The following ASCC3 variants were observed in gnomAD, a reference collection of about 807,000 sequenced individuals.
The protein encoded by ASCC3 is ASC-1 complex subunit P200.
Under a neutral mutation model 256.3 loss-of-function variants are expected in ASCC3, and 158 were observed. The ratio of observed to expected loss-of-function variants is 0.62; its 90% CI spans 0.54 to 0.70. ASCC3 has a LOEUF of 0.70. Ranked by LOEUF, ASCC3 falls within the 30% of genes least tolerant of loss-of-function variation. The pLI, the probability that ASCC3 is intolerant of heterozygous loss-of-function variation, is 0.00. For missense variants in ASCC3, 2,259 were observed against 2,626.0 expected, an observed-to-expected ratio of 0.86 and a Z score of 3.05; for synonymous variants, 948 against 883.4, an observed-to-expected ratio of 1.07 and a Z score of -1.30.
chr6:100,646,654 C>G lies in ASCC3; in HGVS notation c.3594G>C (p.Val1198=). Residue 1198 remains valine (V), a synonymous_variant, in exon 22 of 42, where the codon GTG becomes GTC. Coordinates refer to ENST00000369162, the MANE Select transcript of ASCC3 (RefSeq NM_006828.4). ...IQPITRTVLR[V]TLSIYADFTW... is the part of the protein sequence containing the mutation. ...TGAAATCAGCATAGATGCTGAGTGT[C>G]ACTCGGAGGACAGTCCTTGTGATAG... is the stretch of plus-strand genomic sequence containing the variant. The G allele has an allele frequency of 6.2e-7, 1 of 1,614,056 alleles. No homozygotes were observed. Among genetic ancestry groups the G allele is most frequent in the Non-Finnish European group, 8.5e-7 (1 of 1,179,972 alleles).
At chr6:100,642,454 A>G in intron 24 of ASCC3, 127 bp downstream of exon 24, 1 of 951,596 alleles carries the variant, frequency 1.1e-6, no homozygotes, top group Non-Finnish European at 1.6e-6. Flanking sequence ...ATGAAATAAA[A>G]AGGGAGTTAT....
At chr6:100,871,118 C>A (rs182160566) in intron 1 of ASCC3, among the ~76,000 whole-genome samples, 155 of 151,202 alleles carry the variant, frequency 1.0e-3, no homozygotes, top group Middle Eastern at 3.4e-3. Flanking sequence ...TCTTTTGAGA[C>A]GGAGTCTCAC....
intron 10 of ASCC3, among the ~76,000 whole-genome samples, chr6:100,745,400 C>G (rs537047332): frequency 6.6e-6 from 1 of 150,466 alleles, no homozygotes; most frequent in Non-Finnish European, 1.5e-5. Context: ...AGACAGAGAA[C>G]TGCTTGAACC....
At chr6:100,743,126 C>T (rs952710147) in intron 10 of ASCC3, among the ~76,000 whole-genome samples, 1 of 152,156 alleles carries the variant, frequency 6.6e-6, no homozygotes, top group Non-Finnish European at 1.5e-5. Flanking sequence ...CTGGGAGAAG[C>T]GTGGTTTCCC....
chr6:100,633,798 C>T (rs775694283), intron 25 of ASCC3, among the ~76,000 whole-genome samples: 5 of 151,052 alleles, frequency 3.3e-5, no homozygotes, highest in African/African-American at 9.7e-5. Flanking sequence ...CGCTTGAATC[C>T]GGGAGATGGA....
At chr6:100,684,516 C>CAT (rs1409123921) in intron 13 of ASCC3, among the ~76,000 whole-genome samples, 4 of 152,158 alleles carry the variant, frequency 2.6e-5, no homozygotes, top group Admixed American at 6.5e-5. Context: ...GAACCTCTGT[C>CAT]ATAGCTGGTA....
chr6:100,721,446 T>C lies in ASCC3; in HGVS notation c.1903-3195A>G, dbSNP rs116062708. Among the ~76,000 whole-genome samples, 1,165 of 151,870 alleles carry C rather than the reference T, an allele frequency of 7.7e-3. 14 individuals carry two copies. Among genetic ancestry groups the C allele is most frequent in the African/African-American group, 0.026 (1,083 of 41,524 alleles). ...GCTCTCCTTTGTGTAAATCATGCCC[T>C]GAATGCTTCTTTTATGAGACCTCAT... On this transcript the variant is annotated intron_variant, in intron 11 of 41. Transcript: ENST00000369162.
chr6:100,792,441 G>C (rs549273288), intron 8 of ASCC3, among the ~76,000 whole-genome samples: 37 of 151,942 alleles, frequency 2.4e-4, no homozygotes, highest in African/African-American at 8.9e-4. Context: ...TAATAAGACT[G>C]AAGTGCTTGA....
chr6:100,665,913 A>G (rs1464368380), intron 14 of ASCC3, among the ~76,000 whole-genome samples: 5 of 152,070 alleles, frequency 3.3e-5, no homozygotes, highest in Non-Finnish European at 7.4e-5. Context: ...TGTAGCTACC[A>G]TCATAATCAA....
At chr6:100,784,564 T>C (rs1782603034) in intron 8 of ASCC3, among the ~76,000 whole-genome samples, 1 of 151,780 alleles carries the variant, frequency 6.6e-6, no homozygotes, top group African/African-American at 2.4e-5. Flanking sequence ...TAGATAAGAA[T>C]GAAGACATAT....
At chr6:100,517,392 G>T (rs1004257540) in intron 38 of ASCC3, among the ~76,000 whole-genome samples, 2 of 152,100 alleles carry the variant, frequency 1.3e-5, no homozygotes, top group Admixed American at 6.6e-5. Flanking sequence ...TGAAACACTG[G>T]TGTGAAAGAA....
chr6:100,678,147 A>G (rs1267542248), intron 14 of ASCC3, among the ~76,000 whole-genome samples: 4 of 152,160 alleles, frequency 2.6e-5, no homozygotes, highest in African/African-American at 9.6e-5. Context: ...AAGCTTTACA[A>G]TAACAACAAT....
At chr6:100,625,779 C>T (rs550556906) in intron 29 of ASCC3, among the ~76,000 whole-genome samples, 13 of 152,154 alleles carry the variant, frequency 8.5e-5, no homozygotes, top group East Asian at 1.9e-4. Flanking sequence ...TGTCAAGTGA[C>T]GGAAAATGTC....
chr6:100,717,586 T>TA (rs1198119653), intron 12 of ASCC3, among the ~76,000 whole-genome samples: 7 of 151,940 alleles, frequency 4.6e-5, no homozygotes, highest in African/African-American at 1.7e-4. Flanking sequence ...CATTTATATA[T>TA]ATAATAATAA....
At position 100,725,526 on chromosome 6, in the gene ASCC3, A is replaced by G. The variant is rs767721837; in HGVS notation, c.1902+13T>C. On this transcript the variant is annotated intron_variant, in intron 11 of 41. Coordinates refer to ENST00000369162, the MANE Select transcript of ASCC3 (RefSeq NM_006828.4). ...ATCCCTTCAAAATAAGCTTATACATAACTTCCTCTTACCTGCCGTAAAGTA... is the reference window on the plus strand; with the variant it reads ...ATCCCTTCAAAATAAGCTTATACATGACTTCCTCTTACCTGCCGTAAAGTA... The G allele has an allele frequency of 5.4e-5, 87 of 1,611,566 alleles. No homozygotes were observed. The East Asian group carries it at 1.2e-3, about 22-fold the overall frequency.
Position 100,734,587 on chromosome 6 carries a change from T to A in ASCC3, c.1738-8884A>T, listed in dbSNP as rs138963355. 3.9e-5 allele frequency among the ~76,000 whole-genome samples: 6 copies of A among 152,258 alleles called. No individual in the cohort carries two copies. The East Asian group carries it at 1.2e-3, about 29-fold the overall frequency. Reference sequence around the variant, plus strand: ...GTTTCTTGTGATTATGGGAATTATTTCATATAAAAAAGATTATAGCACAAA... The same window carrying A: ...GTTTCTTGTGATTATGGGAATTATTACATATAAAAAAGATTATAGCACAAA... On this transcript the variant is annotated intron_variant, in intron 10 of 41. Transcript: ENST00000369162.
intron 8 of ASCC3, among the ~76,000 whole-genome samples, chr6:100,789,514 A>G (rs1769250601): frequency 6.6e-6 from 1 of 152,008 alleles, no homozygotes; most frequent in African/African-American, 2.4e-5. Context: ...AAGTATAAGC[A>G]AACCTGAGAA....
At chr6:100,607,912 C>T (rs773021632) in intron 30 of ASCC3, among the ~76,000 whole-genome samples, 47 of 147,858 alleles carry the variant, frequency 3.2e-4, no homozygotes, top group Non-Finnish European at 6.1e-4. Context: ...TATAATTTAC[C>T]TTTTAATTTT....
chr6:100,524,578 G>A (rs1010367711), intron 37 of ASCC3, among the ~76,000 whole-genome samples: 10 of 152,016 alleles, frequency 6.6e-5, no homozygotes, highest in African/African-American at 1.9e-4. Flanking sequence ...TAAAGAGGTA[G>A]GTTGAAGGGT....
Sources: gnomAD v4.1 joint callset for allele counts (sites outside exome capture counted in the v4.1 genomes callset) on GRCh38, gnomAD v4.1.1 for gene constraint, MANE v1.5 for transcripts, NCBI Gene and HGNC (gene_info 2026-07-23, HGNC 2026-07-21) for gene names.